The following MAGI3 variants were observed in gnomAD, a reference collection of about 807,000 sequenced individuals.
The protein encoded by MAGI3 is membrane-associated guanylate kinase, WW and PDZ domain-containing protein 3.
MAGI3 carries 43 observed loss-of-function variants against 121.8 expected under a neutral mutation model. The ratio of observed to expected loss-of-function variants is 0.35; its 90% CI spans 0.28 to 0.46. The LOEUF (loss-of-function observed/expected upper bound fraction) is 0.46, where lower values mean the gene tolerates loss of function less well. Among genes scored for constraint, MAGI3 ranks in the 20% least tolerant of loss-of-function variants. MAGI3 has a pLI of 1.00. For synonymous variants in MAGI3, 553 were observed against 639.3 expected (o/e 0.86, Z 2.04); for missense variants, 1,547 against 1,797.3 (o/e 0.86, Z 2.52).
chr1:113,400,340 A>G (rs1473674421), intron 1 of MAGI3, among the ~76,000 whole-genome samples: 3 of 152,172 alleles, frequency 2.0e-5, no homozygotes, highest in Non-Finnish European at 4.4e-5. Flanking sequence ...TATGCCATGC[A>G]CAGTAGGAGT....
In MAGI3 at chr1:113,682,726, G is replaced by C. The variant is rs1323323509; in HGVS notation, c.3329-171G>C. ...ATCCTTCATGTATGAACAGATGTCT[G>C]TACACATCCGCCTTTATAGAGAGAT... is the stretch of plus-strand genomic sequence containing the variant. On this transcript the variant is annotated intron_variant, in intron 20 of 20. Coordinates refer to ENST00000307546, the MANE Select transcript of MAGI3 (RefSeq NM_001142782.2). The C allele has an allele frequency of 7.1e-6, 7 of 981,696 alleles. No individual in the cohort carries two copies. In the African/African-American group the frequency reaches 1.2e-4, roughly 17 times the overall value. 60.8% of individuals were successfully genotyped at this position (981,696 alleles called of 1,614,324 possible).
At chr1:113,564,595 C>T (rs1458982143) in intron 2 of MAGI3, among the ~76,000 whole-genome samples, 1 of 151,990 alleles carries the variant, frequency 6.6e-6, no homozygotes, top group Non-Finnish European at 1.5e-5. Context: ...ATTGGTTGGG[C>T]ATGTTGGCTC....
chr1:113,588,373 G>A (rs554190581), intron 4 of MAGI3, among the ~76,000 whole-genome samples: 3 of 152,296 alleles, frequency 2.0e-5, no homozygotes, highest in South Asian at 4.1e-4. Context: ...GGAGCAGAGT[G>A]ATGGAAGGCA....
At chr1:113,670,967 T>C (rs1195969010) in intron 16 of MAGI3, among the ~76,000 whole-genome samples, 1 of 152,202 alleles carries the variant, frequency 6.6e-6, no homozygotes, top group Non-Finnish European at 1.5e-5. Flanking sequence ...TAATAAAATG[T>C]TCAAAAGTTT....
At chr1:113,557,734 A>G (rs1283215475) in intron 2 of MAGI3, among the ~76,000 whole-genome samples, 3 of 152,122 alleles carry the variant, frequency 2.0e-5, no homozygotes, top group Non-Finnish European at 2.9e-5. Context: ...AAGCAGCCAC[A>G]CTGATGCCAT....
chr1:113,646,707 A>G, intron 12 of MAGI3, 65 bp downstream of exon 12: 1 of 1,243,356 alleles, frequency 8.0e-7, no homozygotes, highest in Non-Finnish European at 1.1e-6. Context: ...ATTTTAGACT[A>G]GGACCTTCCC....
chr1:113,464,630 TC>T (rs968683001), intron 1 of MAGI3, among the ~76,000 whole-genome samples: 2 of 152,220 alleles, frequency 1.3e-5, no homozygotes, highest in Admixed American at 6.5e-5. Flanking sequence ...GTATAAGGGT[TC>T]CCCTTTGTTT....
chr1:113,465,693 T>C (rs984701934), intron 1 of MAGI3, among the ~76,000 whole-genome samples: 1 of 152,168 alleles, frequency 6.6e-6, no homozygotes, highest in African/African-American at 2.4e-5. Flanking sequence ...CAGTGTTACA[T>C]AGTTTTCAAC....
At chr1:113,396,504 G>A (rs191412193) in intron 1 of MAGI3, among the ~76,000 whole-genome samples, 514 of 152,194 alleles carry the variant, frequency 3.4e-3, no homozygotes, top group South Asian at 0.011. Context: ...TTAGAAGCTG[G>A]TGTTATGAGA....
intron 9 of MAGI3, 21 bp downstream of exon 9, chr1:113,623,015 A>G (rs756313653): frequency 6.7e-6 from 10 of 1,481,826 alleles, no homozygotes; most frequent in Non-Finnish European, 8.9e-6. Flanking sequence ...TTTCATAATT[A>G]TTTGAAGAGT....
chr1:113,450,112 A>T, intron 1 of MAGI3: 2 of 1,450,502 alleles, frequency 1.4e-6, no homozygotes, highest in Non-Finnish European at 1.9e-6. Context: ...GTTACGGAAG[A>T]CAGGCAGAGT....
At position 113,422,667 on chromosome 1, in the gene MAGI3, C is replaced by T. The variant is rs756812196; in HGVS notation, c.316+31318C>T. 3.0e-4 allele frequency among the ~76,000 whole-genome samples: 46 copies of T among 152,236 alleles called. No individual in the cohort carries two copies. The highest frequency in any genetic ancestry group is 6.2e-4 in the Non-Finnish European group (42 of 68,040). On this transcript the variant is annotated intron_variant, in intron 1 of 20. Transcript: ENST00000307546. The surrounding 1 kb of genome is among the most constrained non-coding windows in gnomAD (Gnocchi z 4.3). ...GACATACCGCAAGCAGCTTCTGCTGCGGGCACTAGTGTCTGGATAAGGGAA... is the reference window on the plus strand; with the variant it reads ...GACATACCGCAAGCAGCTTCTGCTGTGGGCACTAGTGTCTGGATAAGGGAA...
At chr1:113,435,116 G>A (rs116074407) in intron 1 of MAGI3, among the ~76,000 whole-genome samples, 15 of 152,040 alleles carry the variant, frequency 9.9e-5, no homozygotes, top group African/African-American at 9.6e-5. Flanking sequence ...TTTGTCCCCC[G>A]TTAGCAGTAT....
At chr1:113,424,835 A>C (rs1652914425) in intron 1 of MAGI3, among the ~76,000 whole-genome samples, 1 of 152,152 alleles carries the variant, frequency 6.6e-6, no homozygotes, top group African/African-American at 2.4e-5. Flanking sequence ...AGAGATTAGC[A>C]CGTTATGTAA....
chr1:113,551,782 A>C (rs1172649122), intron 2 of MAGI3, among the ~76,000 whole-genome samples: 1 of 151,768 alleles, frequency 6.6e-6, no homozygotes, highest in Non-Finnish European at 1.5e-5. Context: ...AAAGCTTTTC[A>C]CTGTGTAGTC....
intron 1 of MAGI3, among the ~76,000 whole-genome samples, chr1:113,443,106 G>T (rs1009285075): frequency 1.3e-5 from 2 of 152,050 alleles, no homozygotes; most frequent in African/African-American, 4.8e-5. Context: ...AGTATGCCTT[G>T]CTCAAATTAA....
At chr1:113,648,792 G>C (rs1248434427) in intron 12 of MAGI3, among the ~76,000 whole-genome samples, 1 of 152,058 alleles carries the variant, frequency 6.6e-6, no homozygotes, top group Non-Finnish European at 1.5e-5. Flanking sequence ...CTGAGAGAAA[G>C]GTATTAGCTT....
chr1:113,493,445 A>G (rs1656762287), intron 1 of MAGI3, among the ~76,000 whole-genome samples: 1 of 152,236 alleles, frequency 6.6e-6, no homozygotes, highest in Non-Finnish European at 1.5e-5. Context: ...AACGTAGGCA[A>G]TACCATTCTG....
intron 9 of MAGI3, among the ~76,000 whole-genome samples, chr1:113,629,776 C>CTCCA (rs1651502421): frequency 6.9e-6 from 1 of 145,016 alleles, no homozygotes; most frequent in African/African-American, 2.5e-5. Flanking sequence ...CCCTCCCTCC[C>CTCCA]TCCCTCCCTC....
Sources: gnomAD v4.1 joint callset for allele counts (sites outside exome capture counted in the v4.1 genomes callset) on GRCh38, gnomAD v4.1.1 for gene constraint, Gnocchi (gnomAD v3.1) non-coding constraint, MANE v1.5 for transcripts, NCBI Gene and HGNC (gene_info 2026-07-23, HGNC 2026-07-21) for gene names.